NFATC3: variants seen among roughly 807,000 people sequenced by gnomAD.
NFATC3 encodes the protein nuclear factor of activated T cells 3, also known as nuclear factor of activated T-cells, cytoplasmic 3.
In NFATC3, 46 loss-of-function variants were observed where a neutral mutation model predicts 98.6. That is an observed-to-expected ratio of 0.47 (90% CI 0.37 to 0.60). NFATC3 has a LOEUF of 0.60. Among genes scored for constraint, NFATC3 ranks in the 20% least tolerant of loss-of-function variants. The pLI is 0.00. For synonymous variants in NFATC3, 512 were observed against 472.2 expected (o/e 1.08, Z -1.09); for missense variants, 1,256 against 1,295.5 (o/e 0.97, Z 0.47).
chr16:68,107,447 G>A (rs1265397116), intron 1 of NFATC3, among the ~76,000 whole-genome samples: 1 of 152,232 alleles, frequency 6.6e-6, no homozygotes, highest in Non-Finnish European at 1.5e-5. Context: ...TCTGGGCCGG[G>A]TGTGGTGGCT....
rs1296957788 is a variant in NFATC3 at position 68,122,540 on chromosome 16, C to T, written c.657C>T (p.Cys219=). The part of the protein sequence containing the change: ...LTSPGGSPGG[C]PGEETWHQQY... ...CTCCTGGTGGCTCTCCAGGGGGCTG[C>T]CCTGGAGAAGAAACTTGGCATCAAC... The change falls in exon 2 of 10, where the codon TGC becomes TGT. Residue 219 remains cysteine (C), a synonymous_variant. Transcript: ENST00000346183. The T allele has an allele frequency of 1.9e-6, 3 of 1,613,942 alleles. No individual in the cohort carries two copies. The African/African-American group carries it at 4.0e-5, about 22-fold the overall frequency.
intron 3 of NFATC3, among the ~76,000 whole-genome samples, chr16:68,143,959 A>T (rs982855139): frequency 1.3e-5 from 2 of 152,184 alleles, no homozygotes; most frequent in Non-Finnish European, 1.5e-5. Context: ...CTAGAACATA[A>T]TACCAAAAGC....
intron 1 of NFATC3, among the ~76,000 whole-genome samples, chr16:68,101,514 C>T (rs1247631609): frequency 1.5e-4 from 22 of 145,722 alleles, no homozygotes; most frequent in Non-Finnish European, 2.4e-4. Context: ...GACGGAGTCT[C>T]GCTCTGTTGC....
At position 68,226,347 on chromosome 16, in the gene NFATC3, C is replaced by T; in HGVS notation, c.3107-3C>T. ...AATCACTCTCCCTTTTCTTGTTTTTCAGTGAACGAGATAATTGGGAGAGAC... is the reference window on the plus strand; with the variant it reads ...AATCACTCTCCCTTTTCTTGTTTTTTAGTGAACGAGATAATTGGGAGAGAC... On this transcript the variant is annotated splice_region_variant and splice_polypyrimidine_tract_variant and intron_variant, in intron 9 of 9. Coordinates refer to ENST00000346183, the MANE Select transcript of NFATC3 (RefSeq NM_173165.3). The T allele has an allele frequency of 6.4e-7, 1 of 1,572,000 alleles. No homozygotes were observed. The highest frequency in any genetic ancestry group is 1.4e-5 in the African/African-American group (1 of 71,844).
chr16:68,212,785 C>CTTTTTTTT (rs534732425), intron 9 of NFATC3: 6 of 106,934 alleles, frequency 5.6e-5, no homozygotes, highest in African/African-American at 1.1e-4. Flanking sequence ...ATTTCTTTCT[C>CTTTTTTTT]TTTTTTTTTT....
At chr16:68,188,763 C>G (rs1254660937) in intron 8 of NFATC3, among the ~76,000 whole-genome samples, 3 of 152,190 alleles carry the variant, frequency 2.0e-5, no homozygotes, top group Non-Finnish European at 1.5e-5. Context: ...GGCTGGAATG[C>G]AATGGTACTA....
At chr16:68,223,751 C>T (rs570317944) in intron 9 of NFATC3, among the ~76,000 whole-genome samples, 2 of 151,612 alleles carry the variant, frequency 1.3e-5, no homozygotes, top group South Asian at 2.1e-4. Context: ...AAAAATTAGC[C>T]GGGCACGATG....
At position 68,191,532 on chromosome 16, in the gene NFATC3, C is replaced by T; in HGVS notation, c.2863C>T (p.Pro955Ser). Residue 955 changes from proline (P) to serine (S), a missense_variant, in exon 9 of 10, where the codon CCT (proline) becomes TCT (serine). Pro to Ser is a moderately conservative substitution (Grantham distance 74, BLOSUM62 -1). This residue lies in a region of NFATC3 where 636 missense variants were observed against 617.3 expected (regional missense o/e 1.03). Coordinates refer to ENST00000346183, the MANE Select transcript of NFATC3 (RefSeq NM_173165.3). ...GCTTCAGCCTATGCCTTACCAATCT[C>T]CTAGCTCAGGAACTGCCTCATCACC... ...PQLQPMPYQS[P>S]SSGTASSPSP... The T allele has an allele frequency of 1.9e-6, 3 of 1,614,186 alleles. No homozygotes were observed. Among genetic ancestry groups the T allele is most frequent in the Non-Finnish European group, 2.5e-6 (3 of 1,180,052 alleles).
chr16:68,086,796 G>A, intron 1 of NFATC3: 1 of 985,222 alleles, frequency 1.0e-6, no homozygotes, highest in African/African-American at 1.7e-5. Flanking sequence ...GATTCTCTAG[G>A]CGGTACTTAT....
chr16:68,143,123 CAGCTACTTGGGAGGATTGCTTG>C (rs2037842615), intron 3 of NFATC3, among the ~76,000 whole-genome samples: 1 of 149,408 alleles, frequency 6.7e-6, no homozygotes, highest in African/African-American at 2.5e-5. Context: ...CCTTGAGTCT[CAGCTACTTGGGAGGATTGCTTG>C]AGCCCAGGAG....
chr16:68,156,318 AAAC>A (rs540086473), intron 3 of NFATC3, among the ~76,000 whole-genome samples: 27 of 118,548 alleles, frequency 2.3e-4, no homozygotes, highest in African/African-American at 4.4e-4. Context: ...TTCGTCTCAA[AAAC>A]AACAACAACA....
intron 1 of NFATC3, among the ~76,000 whole-genome samples, chr16:68,099,116 T>A (rs902486470): frequency 6.6e-6 from 1 of 152,090 alleles, no homozygotes; most frequent in African/African-American, 2.4e-5. Context: ...ATATGTAGAT[T>A]AGTGTAACTA....
In NFATC3 at chr16:68,085,648, C is replaced by A; in HGVS notation, c.-34C>A. On this transcript the variant is annotated 5_prime_UTR_variant, in exon 1 of 10. In the 5' UTR this introduces an upstream ATG that the reference lacks. Transcript: ENST00000346183. ...CGCTTGCCGCTGCCGCCGCCGCCGCCTGAGGAGGAGCTGCAGCACCCTGGG... is the reference window on the plus strand; with the variant it reads ...CGCTTGCCGCTGCCGCCGCCGCCGCATGAGGAGGAGCTGCAGCACCCTGGG... 6.8e-7 allele frequency: 1 copy of A among 1,479,034 alleles called. No homozygotes were observed. Among genetic ancestry groups the A allele is most frequent in the Non-Finnish European group, 9.0e-7 (1 of 1,115,760 alleles). 91.6% of individuals were successfully genotyped at this position (1,479,034 alleles called of 1,614,324 possible).
chr16:68,198,735 C>G (rs1424659935), intron 9 of NFATC3, among the ~76,000 whole-genome samples: 1 of 152,050 alleles, frequency 6.6e-6, no homozygotes, highest in Non-Finnish European at 1.5e-5. Context: ...TATACCCTGT[C>G]TCTACCAAAA....
intron 9 of NFATC3, among the ~76,000 whole-genome samples, chr16:68,193,995 A>G (rs1439212832): frequency 6.6e-6 from 1 of 152,196 alleles, no homozygotes; most frequent in East Asian, 1.9e-4. Context: ...ATGCCAGGTC[A>G]TTTGTGTGTA....
chr16:68,117,549 C>A (rs1258436666), intron 1 of NFATC3, among the ~76,000 whole-genome samples: 1 of 152,038 alleles, frequency 6.6e-6, no homozygotes, highest in African/African-American at 2.4e-5. Flanking sequence ...GCTCTGTCAC[C>A]GAGGATGGAG....
intron 9 of NFATC3, among the ~76,000 whole-genome samples, chr16:68,204,922 A>G (rs1029035454): frequency 6.6e-6 from 1 of 151,918 alleles, no homozygotes. Context: ...CCTCTTGCTA[A>G]CAATCATAGC....
intron 9 of NFATC3, among the ~76,000 whole-genome samples, chr16:68,222,645 A>G (rs1441867390): frequency 2.0e-5 from 3 of 152,304 alleles, no homozygotes; most frequent in Non-Finnish European, 2.9e-5. Flanking sequence ...CTTCCTACCT[A>G]CCACCTAATG....
intron 1 of NFATC3, among the ~76,000 whole-genome samples, chr16:68,120,405 C>T (rs1398090189): frequency 6.6e-6 from 1 of 151,726 alleles, no homozygotes; most frequent in African/African-American, 2.4e-5. Context: ...TGGCAAAACC[C>T]TGTCTCTACT....
Sources: allele counts gnomAD v4.1 joint callset (sites outside exome capture counted in the v4.1 genomes callset), GRCh38; gene constraint gnomAD v4.1.1; regional missense constraint gnomAD v4.1.1; transcripts MANE v1.5; gene names NCBI Gene and HGNC (gene_info 2026-07-23, HGNC 2026-07-21).